PLXNA1: variants seen among roughly 807,000 people sequenced by gnomAD.
The protein encoded by PLXNA1 is plexin-A1.
A neutral mutation model predicts 191.7 loss-of-function variants in PLXNA1; 77 were observed. The observed-to-expected ratio is 0.40, with a 90% CI of 0.33 to 0.49. PLXNA1 has a LOEUF of 0.49. Among genes scored for constraint, PLXNA1 ranks in the 20% least tolerant of loss-of-function variants. PLXNA1 has a pLI of 0.63. For synonymous variants in PLXNA1, 1,137 were observed against 1,156.4 expected (o/e 0.98, Z 0.34); for missense variants, 2,110 against 2,660.2 (o/e 0.79, Z 4.55).
At position 127,022,202 on chromosome 3, in the gene PLXNA1, C is replaced by G. The variant is rs748329496; in HGVS notation, c.4156C>G (p.Arg1386Gly). The G allele has an allele frequency of 6.2e-7, 1 of 1,613,396 alleles. No individual in the cohort carries two copies. Among genetic ancestry groups the G allele is most frequent in the Non-Finnish European group, 8.5e-7 (1 of 1,179,980 alleles). Residue 1386 changes from arginine to glycine, a missense_variant, in exon 22 of 32, where the codon CGC becomes GGC. Around this residue, in one of 4 missense-constraint regions of PLXNA1, gnomAD observed 559 missense variants for 911.5 expected, o/e 0.61. Coordinates refer to ENST00000393409, the MANE Select transcript of PLXNA1 (RefSeq NM_032242.4). ...EAQRSFSMRDRGNVASLIMTA... is the reference protein window; with the variant it reads ...EAQRSFSMRDGGNVASLIMTA... ...ACAGCGCAGCTTCTCCATGCGCGACCGCGGGAATGTGGCCTCGCTCATCAT... is the reference window on the plus strand; with the variant it reads ...ACAGCGCAGCTTCTCCATGCGCGACGGCGGGAATGTGGCCTCGCTCATCAT...
Position 127,022,085 on chromosome 3 carries a change from G to C in PLXNA1, c.4039G>C (p.Val1347Leu), listed in dbSNP as rs748156852. 1.2e-6 allele frequency: 2 copies of C among 1,611,644 alleles called. No individual in the cohort carries two copies. Among genetic ancestry groups the C allele is most frequent in the Non-Finnish European group, 1.7e-6 (2 of 1,178,930 alleles). ...EDHPVLKEMEVQANVEKSLTL... is the reference protein window; with the variant it reads ...EDHPVLKEMELQANVEKSLTL... ...GTCTGAGCTCTGTGTGCTCCCTCAG[G>C]TGCAGGCCAATGTGGAGAAGTCGCT... Residue 1347 changes from valine (V) to leucine (L), a missense_variant and splice_region_variant, in exon 22 of 32, where the codon GTG becomes CTG. Physicochemically the swap from Val to Leu is conservative, Grantham distance 32 (BLOSUM62 1). Around this residue, in one of 4 missense-constraint regions of PLXNA1, gnomAD observed 559 missense variants for 911.5 expected, o/e 0.61. Coordinates refer to ENST00000393409, the MANE Select transcript of PLXNA1 (RefSeq NM_032242.4).
chr3:127,022,353 G>A lies in PLXNA1; in HGVS notation c.4295+12G>A. 3 of 1,603,268 alleles carry A rather than the reference G, an allele frequency of 1.9e-6. No homozygotes were observed. Among genetic ancestry groups the A allele is most frequent in the Non-Finnish European group, 2.6e-6 (3 of 1,172,186 alleles). On this transcript the variant is annotated intron_variant, in intron 22 of 31. Transcript: ENST00000393409. ...CTGCTACTGCGCCGGTGAGCCTGGG[G>A]GGCACTGGGGTTGGGGGAGGCAGGC...
At chr3:126,983,869 C>G (rs992452982) in intron 1 of PLXNA1, among the ~76,000 whole-genome samples, 1 of 152,082 alleles carries the variant, frequency 6.6e-6, no homozygotes, top group African/African-American at 2.4e-5. Context: ...GCAGGCTAAG[C>G]CCCCGGCCGG....
intron 1 of PLXNA1, 73 bp from the exon 2 acceptor site, chr3:126,988,448 C>T (rs983477536): frequency 1.3e-6 from 1 of 786,368 alleles, no homozygotes; most frequent in Non-Finnish European, 1.9e-6. Flanking sequence ...TGGAAGGGCT[C>T]ACACTGGGAG....
intron 3 of PLXNA1, among the ~76,000 whole-genome samples, chr3:127,001,769 C>T (rs1029683630): frequency 1.3e-5 from 2 of 152,216 alleles, no homozygotes; most frequent in African/African-American, 4.8e-5. Context: ...TCCCCCTGCT[C>T]CCGCCTGGCA....
Position 127,017,907 on chromosome 3 carries a change from C to T in PLXNA1, c.3660+15C>T, listed in dbSNP as rs1559962790. ...ACAAGGTCACGGTGCGTCTGTCCACCGGGGGTGCAGAGCTGGGAGAGCCAT... is the reference window on the plus strand; with the variant it reads ...ACAAGGTCACGGTGCGTCTGTCCACTGGGGGTGCAGAGCTGGGAGAGCCAT... On this transcript the variant is annotated intron_variant, in intron 19 of 31. Transcript: ENST00000393409. 6.8e-6 allele frequency: 11 copies of T among 1,611,032 alleles called. No individual in the cohort carries two copies. Among genetic ancestry groups the T allele is most frequent in the South Asian group, 4.4e-5 (4 of 91,028 alleles).
intron 2 of PLXNA1, among the ~76,000 whole-genome samples, chr3:126,990,378 C>A (rs539108896): frequency 6.6e-6 from 1 of 152,224 alleles, no homozygotes; most frequent in Non-Finnish European, 1.5e-5. Flanking sequence ...GAGAAAGTGA[C>A]CCTGACTGCA....
At chr3:127,002,792 C>T (rs1021498575) in intron 3 of PLXNA1, among the ~76,000 whole-genome samples, 1 of 152,208 alleles carries the variant, frequency 6.6e-6, no homozygotes, top group African/African-American at 2.4e-5. Context: ...ATCTGGAATA[C>T]ATTTCCATGC....
chr3:127,023,907 T>G (rs766154689), intron 23 of PLXNA1, among the ~76,000 whole-genome samples: 11 of 152,140 alleles, frequency 7.2e-5, no homozygotes, highest in African/African-American at 1.4e-4. Context: ...CCAGGTGGGA[T>G]AGGCAGGGGC....
intron 18 of PLXNA1, 24 bp downstream of exon 18, chr3:127,017,688 T>TGGG (rs758610192): frequency 1.2e-6 from 2 of 1,613,156 alleles, no homozygotes; most frequent in African/African-American, 2.7e-5. Flanking sequence ...GCCCGTAGGC[T>TGGG]GGGCCAAGCC....
Position 127,000,334 on chromosome 3 carries a change from G to A in PLXNA1, c.1378-2996G>A, listed in dbSNP as rs1280014760. Among the ~76,000 whole-genome samples, 6 of 152,172 alleles carry A rather than the reference G, an allele frequency of 3.9e-5. No homozygotes were observed. The East Asian group carries it at 1.2e-3, about 29-fold the overall frequency. ...TGCCAGCTGCCCAGCTGCTGTGGGAGGGGCTTCTGGGCCCAGCCACCTCGA... is the reference window on the plus strand; with the variant it reads ...TGCCAGCTGCCCAGCTGCTGTGGGAAGGGCTTCTGGGCCCAGCCACCTCGA... On this transcript the variant is annotated intron_variant, in intron 3 of 31. Coordinates refer to ENST00000393409, the MANE Select transcript of PLXNA1 (RefSeq NM_032242.4).
At chr3:126,999,958 G>T (rs1278088634) in intron 3 of PLXNA1, among the ~76,000 whole-genome samples, 5 of 152,112 alleles carry the variant, frequency 3.3e-5, no homozygotes, top group African/African-American at 1.2e-4. Flanking sequence ...GGTACCCCAG[G>T]GTTAGATGGT....
chr3:127,010,331 G>A (rs1026174234), intron 9 of PLXNA1, among the ~76,000 whole-genome samples: 2 of 152,198 alleles, frequency 1.3e-5, no homozygotes, highest in East Asian at 1.9e-4. Context: ...GGAGACCCAC[G>A]CCACTGCAGG....
intron 10 of PLXNA1, among the ~76,000 whole-genome samples, chr3:127,012,752 G>A (rs1172396883): frequency 6.6e-6 from 1 of 152,278 alleles, no homozygotes; most frequent in Non-Finnish European, 1.5e-5. Context: ...AGTGCGTTCA[G>A]TGACGGGATC....
At chr3:127,029,846 CG>C (rs1559966821) in intron 27 of PLXNA1, 27 bp from the exon 28 acceptor site, 1 of 1,567,336 alleles carries the variant, frequency 6.4e-7, no homozygotes, top group African/African-American at 1.4e-5. Flanking sequence ...TGCCAGCCAA[CG>C]CGGGCGCTGA....
intron 3 of PLXNA1, among the ~76,000 whole-genome samples, chr3:126,994,853 C>A (rs1267419029): frequency 6.6e-6 from 1 of 151,832 alleles, no homozygotes; most frequent in Non-Finnish European, 1.5e-5. Flanking sequence ...CCCCGGGGCT[C>A]CCTCCTGCCT....
chr3:127,007,935 G>T (rs2079076797), intron 9 of PLXNA1, 22 bp downstream of exon 9: 1 of 1,556,322 alleles, frequency 6.4e-7, no homozygotes, highest in Non-Finnish European at 8.8e-7. Context: ...CAAGGGTGAG[G>T]GTCAGGTTTT....
chr3:127,011,136 G>A (rs963431356), intron 9 of PLXNA1, among the ~76,000 whole-genome samples: 1 of 152,214 alleles, frequency 6.6e-6, no homozygotes, highest in Non-Finnish European at 1.5e-5. Context: ...TGTGCCTTCC[G>A]GCTGCAGCTG....
intron 15 of PLXNA1, among the ~76,000 whole-genome samples, chr3:127,015,935 G>A (rs1387958763): frequency 1.3e-5 from 2 of 152,172 alleles, no homozygotes; most frequent in Admixed American, 6.5e-5. Flanking sequence ...GGGATAGGGC[G>A]AGGTATTCCC....
Sources: gnomAD v4.1 joint callset for allele counts (sites outside exome capture counted in the v4.1 genomes callset) on GRCh38, gnomAD v4.1.1 for gene constraint, gnomAD v4.1.1 regional missense constraint, MANE v1.5 for transcripts, NCBI Gene and HGNC (gene_info 2026-07-23, HGNC 2026-07-21) for gene names.